The following AIG1 variants were observed in gnomAD, a reference collection of about 807,000 sequenced individuals.
AIG1 encodes androgen-induced gene 1 protein.
A neutral mutation model predicts 31.4 loss-of-function variants in AIG1; 23 were observed. That is an observed-to-expected ratio of 0.73 (90% CI 0.53 to 1.04). The LOEUF (loss-of-function observed/expected upper bound fraction) is 1.04. Among genes scored for constraint, AIG1 ranks in the 50% least tolerant of loss-of-function variants. The pLI, the probability that AIG1 is intolerant of heterozygous loss-of-function variation, is 0.00. For synonymous variants in AIG1, 100 were observed against 110.5 expected (o/e 0.90, Z 0.60); for missense variants, 274 against 295.0 (o/e 0.93, Z 0.52).
intron 3 of AIG1, among the ~76,000 whole-genome samples, chr6:143,265,794 G>A (rs991113228): frequency 1.3e-5 from 2 of 152,162 alleles, no homozygotes; most frequent in African/African-American, 4.8e-5. Flanking sequence ...TAATGCCTTC[G>A]GTATTCACAG....
intron 4 of AIG1, among the ~76,000 whole-genome samples, chr6:143,308,561 G>T (rs1236163968): frequency 6.6e-6 from 1 of 152,162 alleles, no homozygotes; most frequent in African/African-American, 2.4e-5. Context: ...ATAGCAGCAT[G>T]TGGGGGCTTT....
intron 3 of AIG1, among the ~76,000 whole-genome samples, chr6:143,208,551 T>G (rs1435858579): frequency 6.6e-6 from 1 of 152,196 alleles, no homozygotes; most frequent in African/African-American, 2.4e-5. Flanking sequence ...TTATGAGACA[T>G]TTTAAGGAAT....
chr6:143,086,540 A>G (rs1339766765), intron 1 of AIG1, among the ~76,000 whole-genome samples: 3 of 152,140 alleles, frequency 2.0e-5, no homozygotes, highest in African/African-American at 7.2e-5. Flanking sequence ...AACAGGTGTC[A>G]CATAACTGCC....
At chr6:143,125,472 G>A (rs1012487507) in intron 1 of AIG1, among the ~76,000 whole-genome samples, 3 of 152,184 alleles carry the variant, frequency 2.0e-5, no homozygotes, top group Non-Finnish European at 2.9e-5. Context: ...TGTTCAAAAA[G>A]TTCATGCTAA....
At chr6:143,158,648 G>C (rs928000230) in intron 2 of AIG1, among the ~76,000 whole-genome samples, 1 of 152,202 alleles carries the variant, frequency 6.6e-6, no homozygotes, top group African/African-American at 2.4e-5. Context: ...GACTTAAGCA[G>C]GTGAGGGACG....
At chr6:143,123,803 C>T (rs1041421085) in intron 1 of AIG1, among the ~76,000 whole-genome samples, 2 of 152,180 alleles carry the variant, frequency 1.3e-5, no homozygotes, top group African/African-American at 4.8e-5. Flanking sequence ...AAGTTACCTT[C>T]AGCCATTCAC....
chr6:143,335,022 G>A, intron 5 of AIG1: 1 of 1,291,744 alleles, frequency 7.7e-7, no homozygotes, highest in South Asian at 1.9e-5. Context: ...ACATAAGATT[G>A]ACTAACTTTT....
chr6:143,318,167 CA>C (rs1055054542), intron 4 of AIG1, among the ~76,000 whole-genome samples: 1 of 150,896 alleles, frequency 6.6e-6, no homozygotes, highest in South Asian at 2.1e-4. Context: ...CATATGAAAC[CA>C]AAAAAATGCA....
At chr6:143,233,294 A>AT (rs1793578767) in intron 3 of AIG1, among the ~76,000 whole-genome samples, 1 of 152,106 alleles carries the variant, frequency 6.6e-6, no homozygotes. Flanking sequence ...TTAATCTAAA[A>AT]TTTTTTACAT....
intron 4 of AIG1, among the ~76,000 whole-genome samples, chr6:143,304,990 C>G (rs1208634961): frequency 2.0e-5 from 3 of 152,128 alleles, no homozygotes; most frequent in South Asian, 4.1e-4. Context: ...TCCATTTCTT[C>G]TAGATTTTCT....
intron 1 of AIG1, among the ~76,000 whole-genome samples, chr6:143,074,725 A>G (rs1777584385): frequency 6.6e-6 from 1 of 152,202 alleles, no homozygotes; most frequent in Non-Finnish European, 1.5e-5. Context: ...CTACTTGGTT[A>G]TGAGGTATTG....
chr6:143,127,062 T>C (rs1337890119), intron 1 of AIG1, among the ~76,000 whole-genome samples: 1 of 152,212 alleles, frequency 6.6e-6, no homozygotes, highest in Admixed American at 6.5e-5. Context: ...AGAGATTTTA[T>C]ATGTAGATAG....
chr6:143,304,912 T>C (rs1799134143), intron 4 of AIG1, among the ~76,000 whole-genome samples: 2 of 152,208 alleles, frequency 1.3e-5, no homozygotes, highest in South Asian at 4.1e-4. Flanking sequence ...GAGCCTGTTA[T>C]TGGTCTATTC....
At chr6:143,211,968 G>T (rs1036557273) in intron 3 of AIG1, among the ~76,000 whole-genome samples, 1 of 151,718 alleles carries the variant, frequency 6.6e-6, no homozygotes, top group Non-Finnish European at 1.5e-5. Flanking sequence ...TGTTCTGAAT[G>T]TCCTTTGTGT....
At chr6:143,228,826 C>A (rs1264387026) in intron 3 of AIG1, among the ~76,000 whole-genome samples, 2 of 151,574 alleles carry the variant, frequency 1.3e-5, no homozygotes, top group African/African-American at 2.4e-5. Flanking sequence ...AAAATGTGTT[C>A]TTTTCATTTC....
chr6:143,264,108 A>G (rs1239799621), intron 3 of AIG1, among the ~76,000 whole-genome samples: 1 of 152,194 alleles, frequency 6.6e-6, no homozygotes, highest in African/African-American at 2.4e-5. Context: ...TGCTAATTTA[A>G]TATGTGTAAA....
intron 1 of AIG1, among the ~76,000 whole-genome samples, chr6:143,128,723 C>G (rs1418370921): frequency 6.6e-6 from 1 of 152,156 alleles, no homozygotes; most frequent in Non-Finnish European, 1.5e-5. Context: ...ATGTAGGCAA[C>G]AGAAAAACAC....
intron 3 of AIG1, among the ~76,000 whole-genome samples, chr6:143,245,792 G>A (rs766753041): frequency 2.0e-5 from 3 of 152,152 alleles, no homozygotes; most frequent in Non-Finnish European, 4.4e-5. Context: ...TTACAGCAAC[G>A]CATAGTTGGT....
At chr6:143,315,538 T>A (rs1210183745) in intron 4 of AIG1, among the ~76,000 whole-genome samples, 1 of 152,116 alleles carries the variant, frequency 6.6e-6, no homozygotes, top group Admixed American at 6.6e-5. Flanking sequence ...GCAACTGATA[T>A]TTGACAGAGG....
Sources: allele counts gnomAD v4.1 joint callset (sites outside exome capture counted in the v4.1 genomes callset), GRCh38; gene constraint gnomAD v4.1.1; transcripts MANE v1.5; gene names NCBI Gene and HGNC (gene_info 2026-07-23, HGNC 2026-07-21).